The following COP1 variants were observed in gnomAD, a reference collection of about 807,000 sequenced individuals.
COP1 encodes COP1 E3 ubiquitin ligase, also known as E3 ubiquitin-protein ligase COP1.
In COP1, 24 loss-of-function variants were observed where a neutral mutation model predicts 101.3. The observed-to-expected ratio is 0.24, with a 90% CI of 0.17 to 0.33. The LOEUF (loss-of-function observed/expected upper bound fraction) is 0.33, where lower values mean the gene tolerates loss of function less well. Among genes scored for constraint, COP1 ranks in the 10% least tolerant of loss-of-function variants. The pLI is 1.00. For synonymous variants in COP1, 347 were observed against 341.9 expected (o/e 1.01, Z -0.17); for missense variants, 663 against 906.2 (o/e 0.73, Z 3.45).
At chr1:176,004,973 A>G (rs1271792562) in intron 15 of COP1, among the ~76,000 whole-genome samples, 1 of 151,890 alleles carries the variant, frequency 6.6e-6, no homozygotes, top group African/African-American at 2.4e-5. Context: ...CTGTGAATCC[A>G]TCTGGTCCTG....
At chr1:176,118,108 T>C (rs573521173) in intron 8 of COP1, among the ~76,000 whole-genome samples, 13 of 152,332 alleles carry the variant, frequency 8.5e-5, no homozygotes, top group African/African-American at 3.1e-4. Context: ...TAGAAGTGAA[T>C]AACCTGACTC....
chr1:175,986,113 G>A lies in COP1; in HGVS notation c.2133+830C>T, dbSNP rs529892849. Reference sequence around the variant, plus strand: ...TGGCTCACTGCAAGCTCTGCCTCGCGGGTTGATGCCATTCTCCTGACTCAG... The same window carrying A: ...TGGCTCACTGCAAGCTCTGCCTCGCAGGTTGATGCCATTCTCCTGACTCAG... On this transcript the variant is annotated intron_variant, in intron 18 of 19. Coordinates refer to ENST00000367669, the MANE Select transcript of COP1 (RefSeq NM_022457.7). Among the ~76,000 whole-genome samples, 14 of 152,200 alleles carry A rather than the reference G, an allele frequency of 9.2e-5. No individual in the cohort carries two copies. In the South Asian group the frequency reaches 2.3e-3, roughly 25 times the overall value.
intron 9 of COP1, among the ~76,000 whole-genome samples, chr1:176,094,004 AGAGT>A (rs1325262351): frequency 6.0e-5 from 9 of 149,110 alleles, no homozygotes; most frequent in Non-Finnish European, 7.4e-5. Context: ...GCCTGGAGGC[AGAGT>A]GAGACTCTGT....
intron 14 of COP1, among the ~76,000 whole-genome samples, chr1:176,029,278 T>C (rs533807184): frequency 6.6e-6 from 1 of 152,312 alleles, no homozygotes; most frequent in African/African-American, 2.4e-5. Flanking sequence ...AATTTTGGTT[T>C]TGTATTTGAA....
intron 1 of COP1, among the ~76,000 whole-genome samples, chr1:176,201,007 G>A (rs559024794): frequency 6.6e-6 from 1 of 152,018 alleles, no homozygotes; most frequent in African/African-American, 2.4e-5. Flanking sequence ...CATTTTATTT[G>A]GTATACAGGT....
At chr1:176,070,956 C>G (rs1467408545) in intron 11 of COP1, among the ~76,000 whole-genome samples, 1 of 152,318 alleles carries the variant, frequency 6.6e-6, no homozygotes, top group East Asian at 1.9e-4. Context: ...TGCAACCACT[C>G]CTGCTTCTGT....
Position 175,998,063 on chromosome 1 carries a change from T to TAAAA in COP1, c.1730-8588_1730-8585dup, listed in dbSNP as rs57110017. Among the ~76,000 whole-genome samples, 55 of 66,820 alleles carry TAAAA rather than the reference T, an allele frequency of 8.2e-4. 1 individual carries two copies. Among genetic ancestry groups the TAAAA allele is most frequent in the African/African-American group, 3.9e-3 (49 of 12,706 alleles). The allele number at this position is 66,820 out of a possible 152,430, so 43.8% of individuals were successfully genotyped here. On this transcript the variant is annotated intron_variant, in intron 15 of 19. Coordinates refer to ENST00000367669, the MANE Select transcript of COP1 (RefSeq NM_022457.7). ...TGTACCCTAAAACTTAGAGTATAAT[T>TAAAA]AAAAAAAAAAAAAAAAAAAAAAAAA...
At chr1:176,148,369 C>G (rs1691903577) in intron 6 of COP1, among the ~76,000 whole-genome samples, 1 of 151,030 alleles carries the variant, frequency 6.6e-6, no homozygotes, top group Non-Finnish European at 1.5e-5. Flanking sequence ...CATAAACATA[C>G]CAGGTTCCAG....
intron 18 of COP1, among the ~76,000 whole-genome samples, chr1:175,957,288 T>C (rs1383908473): frequency 6.6e-6 from 1 of 152,108 alleles, no homozygotes; most frequent in African/African-American, 2.4e-5. Flanking sequence ...CCAAGCTCCA[T>C]TCATGGTAAT....
At chr1:176,092,563 T>G (rs1341442178) in intron 9 of COP1, among the ~76,000 whole-genome samples, 1 of 152,140 alleles carries the variant, frequency 6.6e-6, no homozygotes, top group Non-Finnish European at 1.5e-5. Flanking sequence ...AAATGCCATT[T>G]CACAAAAGAC....
At chr1:176,028,407 A>G (rs1668054174) in intron 14 of COP1, among the ~76,000 whole-genome samples, 1 of 151,664 alleles carries the variant, frequency 6.6e-6, no homozygotes, top group Non-Finnish European at 1.5e-5. Flanking sequence ...TCTACTAAAA[A>G]TACAAAAGTT....
At chr1:176,082,238 G>A (rs1164146677) in intron 10 of COP1, among the ~76,000 whole-genome samples, 1 of 152,084 alleles carries the variant, frequency 6.6e-6, no homozygotes, top group Non-Finnish European at 1.5e-5. Flanking sequence ...AGACAAGTTT[G>A]TTATACCACT....
At chr1:176,190,539 A>C (rs995720050) in intron 1 of COP1, among the ~76,000 whole-genome samples, 7 of 152,016 alleles carry the variant, frequency 4.6e-5, no homozygotes, top group Non-Finnish European at 1.0e-4. Flanking sequence ...TAAAAAAAAA[A>C]AAAACAGTAC....
intron 19 of COP1, among the ~76,000 whole-genome samples, chr1:175,945,550 T>A (rs1649060699): frequency 6.6e-6 from 1 of 152,256 alleles, no homozygotes; most frequent in Admixed American, 6.5e-5. Flanking sequence ...TCTTCTTTCA[T>A]CAATAAACAC....
intron 15 of COP1, among the ~76,000 whole-genome samples, chr1:176,008,106 T>C (rs1405933262): frequency 2.6e-5 from 4 of 152,162 alleles, no homozygotes; most frequent in Admixed American, 2.0e-4. Flanking sequence ...GACCCGATTT[T>C]CCAGGTGCGT....
At chr1:176,051,258 G>A (rs1255534522) in intron 11 of COP1, among the ~76,000 whole-genome samples, 1 of 152,102 alleles carries the variant, frequency 6.6e-6, no homozygotes. Flanking sequence ...TTATCTGCTG[G>A]ATACTAACAT....
At chr1:176,145,552 A>G (rs1016336063) in intron 6 of COP1, among the ~76,000 whole-genome samples, 1 of 152,210 alleles carries the variant, frequency 6.6e-6, no homozygotes, top group African/African-American at 2.4e-5. Flanking sequence ...GGATACACAT[A>G]TAACATAGTA....
At chr1:175,947,356 A>C in intron 18 of COP1, 117 bp from the exon 19 acceptor site, 3 of 748,124 alleles carry the variant, frequency 4.0e-6, no homozygotes, top group Admixed American at 4.6e-5. Context: ...AATTGAATCT[A>C]ATATGAAGAT....
chr1:176,160,945 A>G (rs910675928), intron 5 of COP1, among the ~76,000 whole-genome samples: 5 of 152,196 alleles, frequency 3.3e-5, no homozygotes, highest in Non-Finnish European at 7.4e-5. Context: ...GCTTAGTTAT[A>G]TAAGAAGGAA....
Sources: allele counts gnomAD v4.1 joint callset (sites outside exome capture counted in the v4.1 genomes callset), GRCh38; gene constraint gnomAD v4.1.1; transcripts MANE v1.5; gene names NCBI Gene and HGNC (gene_info 2026-07-23, HGNC 2026-07-21).